ITGB5: variants seen among roughly 807,000 people sequenced by gnomAD.
ITGB5 encodes integrin beta-5.
In ITGB5, 38 loss-of-function variants were observed where a neutral mutation model predicts 84.8. The ratio of observed to expected loss-of-function variants is 0.45; its 90% CI spans 0.35 to 0.59. The LOEUF (loss-of-function observed/expected upper bound fraction) is 0.59. ITGB5 is among the 20% of genes least tolerant of loss of function. ITGB5 has a pLI of 0.01. For synonymous variants in ITGB5, 393 were observed against 414.4 expected (o/e 0.95, Z 0.63); for missense variants, 905 against 1,034.5 (o/e 0.87, Z 1.72).
intron 8 of ITGB5, among the ~76,000 whole-genome samples, chr3:124,810,701 T>C (rs2107539801): frequency 6.6e-6 from 1 of 152,318 alleles, no homozygotes; most frequent in East Asian, 1.9e-4. Flanking sequence ...GTAGCTTTTA[T>C]TCAGAGGTCA....
rs758913779 is a variant in ITGB5, at chr3:124,764,562, G to A, written c.2138-5C>T. 1.2e-6 allele frequency: 2 copies of A among 1,602,494 alleles called. No individual in the cohort carries two copies. Among genetic ancestry groups the A allele is most frequent in the Non-Finnish European group, 8.5e-7 (1 of 1,170,616 alleles). ...CGTTGGGGGTGTTTCCACACTCTGG[G>A]GGGACCAGAAGCATGGTAAGCAAAG... On this transcript the variant is annotated splice_polypyrimidine_tract_variant and splice_region_variant and intron_variant, in intron 13 of 14. Transcript: ENST00000296181.
At chr3:124,801,715 C>G (rs79761902) in intron 9 of ITGB5, among the ~76,000 whole-genome samples, 1 of 152,212 alleles carries the variant, frequency 6.6e-6, no homozygotes, top group Non-Finnish European at 1.5e-5. Flanking sequence ...CCCTGACTTG[C>G]CCATAGCCCT....
intron 8 of ITGB5, among the ~76,000 whole-genome samples, chr3:124,811,290 A>C (rs1233250723): frequency 6.6e-6 from 1 of 152,224 alleles, no homozygotes; most frequent in Admixed American, 6.5e-5. Context: ...TGAATGAATA[A>C]ACGCATGGAT....
chr3:124,793,998 A>T (rs2064185605), intron 10 of ITGB5, among the ~76,000 whole-genome samples: 1 of 152,188 alleles, frequency 6.6e-6, no homozygotes, highest in Non-Finnish European at 1.5e-5. Context: ...TGGCAGTACA[A>T]TTCCTCCTCC....
chr3:124,786,928 A>G (rs2064089762), intron 10 of ITGB5, among the ~76,000 whole-genome samples: 2 of 152,208 alleles, frequency 1.3e-5, no homozygotes, highest in South Asian at 4.1e-4. Flanking sequence ...CAGCCACCAG[A>G]GGTCTCTCAC....
chr3:124,770,349 A>G (rs1214915288), intron 11 of ITGB5, among the ~76,000 whole-genome samples: 1 of 152,072 alleles, frequency 6.6e-6, no homozygotes, highest in Non-Finnish European at 1.5e-5. Flanking sequence ...AGGCCATCAG[A>G]GTGCAGGGGG....
rs1222209235 is a variant in ITGB5, at chr3:124,762,527, G to GTGTT, written c.*1092_*1095dup. ...GGCCCTGCGGGAAAAAAGCTCAAAT[G>GTGTT]TGTTTTTTTGCATTGGGCCTGCATG... On this transcript the variant is annotated 3_prime_UTR_variant, in exon 15 of 15. Transcript: ENST00000296181. 1.3e-5 allele frequency: 2 copies of GTGTT among 152,216 alleles called. No homozygotes were observed. Among genetic ancestry groups the GTGTT allele is most frequent in the East Asian group, 3.8e-4 (2 of 5,196 alleles). The allele number at this position is 152,216 out of a possible 1,614,324, so 9.4% of individuals were successfully genotyped here. A position where few individuals can be genotyped will look rare whatever the true frequency, so the allele number is the denominator to read the frequency against.
intron 1 of ITGB5, among the ~76,000 whole-genome samples, chr3:124,877,866 C>A (rs775133647): frequency 6.6e-6 from 1 of 151,684 alleles, no homozygotes; most frequent in African/African-American, 2.4e-5. Flanking sequence ...TTTTTTTAGA[C>A]AGAGTCTTGC....
intron 13 of ITGB5, 96 bp from the exon 14 acceptor site, chr3:124,764,653 TC>T: frequency 1.6e-6 from 2 of 1,214,270 alleles, no homozygotes; most frequent in Non-Finnish European, 2.3e-6. Flanking sequence ...TTGCACCCCT[TC>T]CAAAGGCCTT....
chr3:124,839,788 T>C (rs1299100071), intron 5 of ITGB5, among the ~76,000 whole-genome samples: 1 of 152,250 alleles, frequency 6.6e-6, no homozygotes, highest in Non-Finnish European at 1.5e-5. Context: ...ATTCTAACCA[T>C]GTTTCCATGT....
chr3:124,856,375 A>ACTTGC (rs1285209095), intron 3 of ITGB5, among the ~76,000 whole-genome samples: 5 of 152,192 alleles, frequency 3.3e-5, no homozygotes, highest in African/African-American at 4.8e-5. Context: ...AAGAAGAGAG[A>ACTTGC]CTTGCCACCA....
chr3:124,896,965 A>G (rs1346859319), intron 1 of ITGB5, among the ~76,000 whole-genome samples: 1 of 152,096 alleles, frequency 6.6e-6, no homozygotes, highest in Non-Finnish European at 1.5e-5. Context: ...CACATATACC[A>G]GGTATATTTG....
At chr3:124,768,892 T>C (rs1027861839) in intron 12 of ITGB5, 121 bp downstream of exon 12, 7 of 667,136 alleles carry the variant, frequency 1.0e-5, no homozygotes, top group Non-Finnish European at 5.2e-6. Flanking sequence ...CGGGTCCTCA[T>C]GGGGAGCCCA....
At chr3:124,863,646 G>A (rs1305609083) in intron 2 of ITGB5, among the ~76,000 whole-genome samples, 1 of 152,192 alleles carries the variant, frequency 6.6e-6, no homozygotes, top group African/African-American at 2.4e-5. Flanking sequence ...AGCCTCCGGA[G>A]TAGCTGGGAT....
At chr3:124,852,275 G>T (rs1245812540) in intron 3 of ITGB5, among the ~76,000 whole-genome samples, 1 of 152,066 alleles carries the variant, frequency 6.6e-6, no homozygotes, top group Non-Finnish European at 1.5e-5. Flanking sequence ...GGTCTCTACA[G>T]GCTCATGTAT....
At chr3:124,815,240 T>A (rs1164337781) in intron 8 of ITGB5, among the ~76,000 whole-genome samples, 1 of 152,218 alleles carries the variant, frequency 6.6e-6, no homozygotes, top group Non-Finnish European at 1.5e-5. Context: ...GTGCCTTCCC[T>A]GCTGCTGCAA....
intron 6 of ITGB5, among the ~76,000 whole-genome samples, chr3:124,820,908 G>C (rs900243582): frequency 1.3e-5 from 2 of 152,114 alleles, no homozygotes; most frequent in African/African-American, 2.4e-5. Flanking sequence ...ACCTCTGGGA[G>C]CCCACGTCTA....
At chr3:124,874,054 T>C (rs114312729) in intron 1 of ITGB5, among the ~76,000 whole-genome samples, 8,641 of 107,744 alleles carry the variant, frequency 0.08, 341 homozygotes, top group Non-Finnish European at 0.099. Flanking sequence ...TATCTATTAA[T>C]AGGTCAAATA....
chr3:124,878,566 T>TGG lies in ITGB5; in HGVS notation c.71-5037_71-5036dup, dbSNP rs57747981. The TGG allele has an allele frequency of 7.0e-4, 107 of 151,916 alleles. No individual in the cohort carries two copies. In the Middle Eastern group the frequency reaches 0.017, roughly 24 times the overall value. The allele number at this position is 151,916 out of a possible 1,614,324, so 9.4% of individuals were successfully genotyped here. A position where few individuals can be genotyped will look rare whatever the true frequency, so the allele number is the denominator to read the frequency against. On this transcript the variant is annotated intron_variant, in intron 1 of 14. Coordinates refer to ENST00000296181, the MANE Select transcript of ITGB5 (RefSeq NM_002213.5). ...ACACCCTAAACGCTGAGCACTGGAC[T>TGG]GGGGGGATGCTAGAAATGCACAGGT... is the stretch of plus-strand genomic sequence containing the variant.
Sources: gnomAD v4.1 joint callset for allele counts (sites outside exome capture counted in the v4.1 genomes callset) on GRCh38, gnomAD v4.1.1 for gene constraint, MANE v1.5 for transcripts, NCBI Gene and HGNC (gene_info 2026-07-23, HGNC 2026-07-21) for gene names.